Variants in CHD3 observed in about 807,000 individuals in gnomAD.
CHD3 encodes the protein ATP-dependent chromatin remodeler CHD3.
In CHD3, 52 loss-of-function variants were observed where a neutral mutation model predicts 248.9. The ratio of observed to expected loss-of-function variants is 0.21; its 90% confidence interval spans 0.17 to 0.26. CHD3 has a LOEUF of 0.26. Ranked by LOEUF, CHD3 falls within the 10% of genes least tolerant of loss-of-function variation. The pLI is 1.00. For missense variants in CHD3, 1,482 were observed against 2,605.8 expected (o/e 0.57, Z 9.39); for synonymous variants, 985 against 985.2 (o/e 1.00, Z 0.00).
Position 7,903,753 on chromosome 17 carries a change from G to T in CHD3, c.3728-72G>T. ...CTAGGGCTCCTGTGAAAAGGACGCA[G>T]AGTAGAAGCTTTCCCATCAGCCTTT... On this transcript the variant is annotated intron_variant, in intron 23 of 39. Coordinates refer to ENST00000330494, the MANE Select transcript of CHD3 (RefSeq NM_001005273.3). This position sits in a 1 kb window ranked among gnomAD's most constrained non-coding sequence, Gnocchi z 6.8. 1.3e-6 allele frequency: 2 copies of T among 1,527,778 alleles called. No homozygotes were observed. Among genetic ancestry groups the T allele is most frequent in the African/African-American group, 1.4e-5 (1 of 73,142 alleles). The allele number at this position is 1,527,778 out of a possible 1,614,324, so 94.6% of individuals were successfully genotyped here. A position where few individuals can be genotyped will look rare whatever the true frequency, so the allele number is the denominator to read the frequency against.
At chr17:7,885,368 C>A (rs1329744469), upstream of CHD3, 3 of 154,778 alleles carry the variant, frequency 1.9e-5, no homozygotes, top group South Asian at 1.8e-4. Context: ...GAGCGCTGGG[C>A]GCGAGCTGCG....
chr17:7,906,562 G>A lies in CHD3; in HGVS notation c.4368G>A (p.Val1456=). 1.2e-6 allele frequency: 2 copies of A among 1,613,908 alleles called. No individual in the cohort carries two copies. The highest frequency in any genetic ancestry group is 1.7e-6 in the Non-Finnish European group (2 of 1,179,948). The change falls in exon 29 of 40, where the codon GTG becomes GTA. Residue 1456 remains valine (V), a synonymous_variant. Transcript: ENST00000330494. This position sits in a 1 kb window ranked among gnomAD's most constrained non-coding sequence, Gnocchi z 5.0. The stretch of plus-strand genomic sequence containing the variant: ...CTCCCATGCTCCTTAGGGCCTATGT[G>A]TCTTTGTTCATGCGCCATCTGTGTG... ...GKTEKEFKAY[V]SLFMRHLCEP...
chr17:7,889,664 A>G lies in CHD3; in HGVS notation c.101A>G (p.Asp34Gly). The G allele has an allele frequency of 1.2e-6, 2 of 1,610,834 alleles. No individual in the cohort carries two copies. Among genetic ancestry groups the G allele is most frequent in the East Asian group, 2.2e-5 (1 of 44,824 alleles). ...TTTTCTGATGCTTTTTGCTTCAAAG[A>G]TAAGGATGACATTCGGCTGCTGCCG... is the stretch of plus-strand genomic sequence containing the variant. ...PGLCWGDRMP[D>G]KDDIRLLPSA... The change falls in exon 2 of 40, where the codon GAT (aspartate) becomes GGT (glycine). Residue 34 changes from aspartate (D) to glycine (G), a missense_variant and splice_region_variant. Physicochemically the swap from Asp to Gly is moderately conservative, Grantham distance 94. Transcript: ENST00000330494. The surrounding 1 kb of genome is among the most constrained non-coding windows in gnomAD (Gnocchi z 4.5).
upstream of CHD3, chr17:7,888,773 G>A (rs2151446042): frequency 7.2e-7 from 1 of 1,387,294 alleles, no homozygotes; most frequent in Non-Finnish European, 9.3e-7. Flanking sequence ...TATGCTGGGT[G>A]TGTCTGTCTG....
chr17:7,893,633 T>A, intron 5 of CHD3, 64 bp downstream of exon 5: 1 of 1,529,558 alleles, frequency 6.5e-7, no homozygotes, highest in Non-Finnish European at 8.8e-7. Context: ...CACATTAGAG[T>A]CTGGAACTCT....
intron 4 of CHD3, among the ~76,000 whole-genome samples, chr17:7,892,497 T>C (rs756977152): frequency 0.028 from 1,100 of 39,014 alleles, 5 homozygotes; most frequent in South Asian, 0.11. Context: ...TTATTTCCCC[T>C]TTTTTTTTTT....
Position 7,897,890 on chromosome 17 carries a change from T to G in CHD3, c.1920-81T>G. 6.8e-7 allele frequency: 1 copy of G among 1,466,084 alleles called. No individual in the cohort carries two copies. Among genetic ancestry groups the G allele is most frequent in the Middle Eastern group, 2.1e-4 (1 of 4,754 alleles). 90.8% of individuals were successfully genotyped at this position (1,466,084 alleles called of 1,614,324 possible). A position where few individuals can be genotyped will look rare whatever the true frequency, so the allele number is the denominator to read the frequency against. On this transcript the variant is annotated intron_variant, in intron 11 of 39. Transcript: ENST00000330494. This position sits in a 1 kb window ranked among gnomAD's most constrained non-coding sequence, Gnocchi z 4.8. ...CAAATTTTGTGTGTTTGCTGATAAT[T>G]GCGTTTCTCAGGCCTTCTTTCTGTT...
Position 7,908,431 on chromosome 17 carries a change from C to T in CHD3, c.5182C>T (p.Arg1728Trp), listed in dbSNP as rs1159456316. Reference protein sequence around the residue: ...ELHTLWQNEERAAISSGKLNE... With the variant: ...ELHTLWQNEEWAAISSGKLNE... ...TCACACACTGTGGCAGAATGAGGAACGGGCAGCTATTTCCTCGGGGAAACT... is the reference window on the plus strand; with the variant it reads ...TCACACACTGTGGCAGAATGAGGAATGGGCAGCTATTTCCTCGGGGAAACT... Residue 1728 changes from arginine (R) to tryptophan (W), a missense_variant, in exon 35 of 40, where the codon CGG becomes TGG. By Grantham distance (101) the Arg-to-Trp change is moderately radical. This residue lies in a region of CHD3 where 36 missense variants were observed against 70.4 expected (regional missense o/e 0.51). Coordinates refer to ENST00000330494, the MANE Select transcript of CHD3 (RefSeq NM_001005273.3). The surrounding 1 kb of genome is among the most constrained non-coding windows in gnomAD (Gnocchi z 5.8). 5 of 1,613,522 alleles carry T rather than the reference C, an allele frequency of 3.1e-6. No homozygotes were observed. The highest frequency in any genetic ancestry group is 1.7e-6 in the Non-Finnish European group (2 of 1,179,752).
chr17:7,906,109 A>G lies in CHD3; in HGVS notation c.4358+120A>G. On this transcript the variant is annotated intron_variant, in intron 28 of 39. Coordinates refer to ENST00000330494, the MANE Select transcript of CHD3 (RefSeq NM_001005273.3). The surrounding 1 kb of genome is among the most constrained non-coding windows in gnomAD (Gnocchi z 5.0). ...TCAACTGATTATCACCCTCCCTGTC[A>G]TACAATACTTCCTGGCTCGATTTCC... 2.1e-6 allele frequency: 3 copies of G among 1,417,370 alleles called. No homozygotes were observed. The highest frequency in any genetic ancestry group is 3.0e-6 in the Non-Finnish European group (3 of 1,012,586). The allele number at this position is 1,417,370 out of a possible 1,614,324, so 87.8% of individuals were successfully genotyped here. A position where few individuals can be genotyped will look rare whatever the true frequency, so the allele number is the denominator to read the frequency against.
rs1969505523 is a variant in CHD3, at chr17:7,895,445, C to T, written c.1610C>T (p.Pro537Leu). Residue 537 changes from proline to leucine, a missense_variant, in exon 10 of 40, where the codon CCA (proline) becomes CTA (leucine). Physicochemically the swap from Pro to Leu is moderately conservative, Grantham distance 98. Around this residue, in one of 20 missense-constraint regions of CHD3, gnomAD observed 24 missense variants for 18.3 expected, o/e 1.31. Coordinates refer to ENST00000330494, the MANE Select transcript of CHD3 (RefSeq NM_001005273.3). This position sits in a 1 kb window ranked among gnomAD's most constrained non-coding sequence, Gnocchi z 4.9. ...PQQADGNPDV[P>L]PPRPLQGRSE... ...CAGGCAGATGGAAATCCAGATGTCC[C>T]ACCCCCCCGTCCTCTTCAAGGCAGA... 1.9e-6 allele frequency: 3 copies of T among 1,614,126 alleles called. No homozygotes were observed. The highest frequency in any genetic ancestry group is 2.2e-5 in the East Asian group (1 of 44,870).
At chr17:7,891,713 T>C (rs1247193884) in intron 4 of CHD3, among the ~76,000 whole-genome samples, 1 of 151,890 alleles carries the variant, frequency 6.6e-6, no homozygotes, top group Non-Finnish European at 1.5e-5. Flanking sequence ...ACAAAAAAAT[T>C]AGCTGGGCGT....
Position 7,907,795 on chromosome 17 carries a change from G to A in CHD3, c.5026+93G>A. The stretch of plus-strand genomic sequence containing the variant: ...CGAATGCTTGGGTCCTGGGCGGGTA[G>A]CTGTTTGAAAGGCCAGTACAGTACA... On this transcript the variant is annotated intron_variant, in intron 33 of 39. Transcript: ENST00000330494. The surrounding 1 kb of genome is among the most constrained non-coding windows in gnomAD (Gnocchi z 4.3). 1 of 1,511,212 alleles carries A rather than the reference G, an allele frequency of 6.6e-7. No individual in the cohort carries two copies. The allele number at this position is 1,511,212 out of a possible 1,614,324, so 93.6% of individuals were successfully genotyped here. A position where few individuals can be genotyped will look rare whatever the true frequency, so the allele number is the denominator to read the frequency against.
At position 7,911,747 on chromosome 17, in the gene CHD3, G is replaced by GC. The variant is rs776885049; in HGVS notation, c.*165dup. The GC allele has an allele frequency of 2.6e-5, 40 of 1,529,888 alleles. No homozygotes were observed. The highest frequency in any genetic ancestry group is 3.2e-5 in the Non-Finnish European group (36 of 1,133,928). The allele number at this position is 1,529,888 out of a possible 1,614,324, so 94.8% of individuals were successfully genotyped here. On this transcript the variant is annotated 3_prime_UTR_variant, in exon 40 of 40. Coordinates refer to ENST00000330494, the MANE Select transcript of CHD3 (RefSeq NM_001005273.3). The surrounding 1 kb of genome is among the most constrained non-coding windows in gnomAD (Gnocchi z 5.4). ...TCTGCAGCTCCTCTCTTCAAGAAGG[G>GC]CCCTTTGTCTTTCTCCACTCCCACA...
Position 7,908,001 on chromosome 17 carries a change from G to A in CHD3, c.5134G>A (p.Ala1712Thr). 1 of 1,605,018 alleles carries A rather than the reference G, an allele frequency of 6.2e-7. No homozygotes were observed. The highest frequency in any genetic ancestry group is 8.5e-7 in the Non-Finnish European group (1 of 1,172,948). Residue 1712 changes from alanine (A) to threonine (T), a missense_variant, in exon 34 of 40, where the codon GCC becomes ACC. By Grantham distance (58) the Ala-to-Thr change is moderately conservative. Around this residue, in one of 20 missense-constraint regions of CHD3, gnomAD observed 36 missense variants for 70.4 expected, o/e 0.51. Coordinates refer to ENST00000330494, the MANE Select transcript of CHD3 (RefSeq NM_001005273.3). This position sits in a 1 kb window ranked among gnomAD's most constrained non-coding sequence, Gnocchi z 5.8. The stretch of plus-strand genomic sequence containing the variant: ...GAAGCCCCGGTTCATGTTCAATATC[G>A]CCGATGGTGGCTTCACAGGTTGGGG... ...TEKPRFMFNI[A>T]DGGFTELHTL...
Position 7,890,344 on chromosome 17 carries a change from G to A in CHD3, c.214-227G>A, listed in dbSNP as rs150891602. 3.4e-3 allele frequency: 1,287 copies of A among 376,738 alleles called. 19 individuals carry two copies. Among genetic ancestry groups the A allele is most frequent in the African/African-American group, 0.025 (1,190 of 47,668 alleles). The allele number at this position is 376,738 out of a possible 1,614,324, so 23.3% of individuals were successfully genotyped here. Reference sequence around the variant, plus strand: ...CACAGGAGGCTGAGGCAGGAGAATCGCTTGAACCCGGGAGGTGGAGGTTGC... The same window carrying A: ...CACAGGAGGCTGAGGCAGGAGAATCACTTGAACCCGGGAGGTGGAGGTTGC... On this transcript the variant is annotated intron_variant, in intron 2 of 39. Coordinates refer to ENST00000330494, the MANE Select transcript of CHD3 (RefSeq NM_001005273.3).
Position 7,907,188 on chromosome 17 carries a change from G to A in CHD3, c.4729G>A (p.Glu1577Lys). 1 of 1,614,238 alleles carries A rather than the reference G, an allele frequency of 6.2e-7. No homozygotes were observed. The highest frequency in any genetic ancestry group is 8.5e-7 in the Non-Finnish European group (1 of 1,180,034). The stretch of plus-strand genomic sequence containing the variant: ...GACACCTCTTGAGAAGGAGGAAGCT[G>A]AAAACCAGGAGGAAAAGCCAGAGAA... ...IRTPLEKEEA[E>K]NQEEKPEKNS... Residue 1577 changes from glutamate to lysine, a missense_variant, in exon 31 of 40, where the codon GAA becomes AAA. Physicochemically the swap from Glu to Lys is moderately conservative, Grantham distance 56 (BLOSUM62 1). Coordinates refer to ENST00000330494, the MANE Select transcript of CHD3 (RefSeq NM_001005273.3). This position sits in a 1 kb window ranked among gnomAD's most constrained non-coding sequence, Gnocchi z 4.3.
At position 7,900,612 on chromosome 17, in the gene CHD3, C is replaced by T. The variant is rs1031063055; in HGVS notation, c.2859C>T (p.Ile953=). ...EFADISKEDQ[I]KKLHDLLGPH... is the part of the protein sequence containing the mutation. ...CTGACATATCCAAAGAGGACCAGAT[C>T]AAGAAACTGCATGATTTGCTGGGGC... The change falls in exon 18 of 40, where the codon ATC becomes ATT. Residue 953 remains isoleucine, a synonymous_variant. Transcript: ENST00000330494. The surrounding 1 kb of genome is among the most constrained non-coding windows in gnomAD (Gnocchi z 6.5). 7 of 1,614,104 alleles carry T rather than the reference C, an allele frequency of 4.3e-6. No homozygotes were observed. Among genetic ancestry groups the T allele is most frequent in the Non-Finnish European group, 5.9e-6 (7 of 1,180,010 alleles).
intron 10 of CHD3, among the ~76,000 whole-genome samples, chr17:7,896,140 A>G (rs748336023): frequency 1.3e-5 from 2 of 148,462 alleles, no homozygotes; most frequent in Non-Finnish European, 1.5e-5. Context: ...AGACAGGAGA[A>G]TGGCGTGAAC....
At position 7,905,082 on chromosome 17, in the gene CHD3, C is replaced by T; in HGVS notation, c.4073-18C>T. 3.1e-6 allele frequency: 5 copies of T among 1,613,530 alleles called. No homozygotes were observed. The highest frequency in any genetic ancestry group is 1.1e-5 in the South Asian group (1 of 91,054). On this transcript the variant is annotated intron_variant, in intron 25 of 39. Transcript: ENST00000330494. The surrounding 1 kb of genome is among the most constrained non-coding windows in gnomAD (Gnocchi z 5.8). The stretch of plus-strand genomic sequence containing the variant: ...CCGAGAGCCCTCCCTGACCACTGGG[C>T]CCTTTCCACCCCCACAGACAACCAG...
Sources: allele counts gnomAD v4.1 joint callset (sites outside exome capture counted in the v4.1 genomes callset), GRCh38; gene constraint gnomAD v4.1.1; regional missense constraint gnomAD v4.1.1; non-coding constraint Gnocchi (gnomAD v3.1); transcripts MANE v1.5; gene names NCBI Gene and HGNC (gene_info 2026-07-23, HGNC 2026-07-21).